The following MBNL1 variants were observed in gnomAD, a reference collection of about 807,000 sequenced individuals.
MBNL1 encodes muscleblind like splicing regulator 1.
A neutral mutation model predicts 42.2 loss-of-function variants in MBNL1; 8 were observed. That is an observed-to-expected ratio of 0.19 (90% CI 0.11 to 0.34). The LOEUF (loss-of-function observed/expected upper bound fraction) is 0.34, where lower values mean the gene tolerates loss of function less well. MBNL1 is among the 10% of genes least tolerant of loss of function. The probability of loss-of-function intolerance (pLI) is 1.00; values close to 1 mark genes in which losing one functional copy is unlikely to be tolerated. For synonymous variants in MBNL1, 169 were observed against 173.9 expected, an observed-to-expected ratio of 0.97 and a Z score of 0.22; for missense variants, 309 against 495.3, an observed-to-expected ratio of 0.62 and a Z score of 3.57.
rs60509782 is a variant in MBNL1, at chr3:152,407,209, C to CTT, written c.175-7707_175-7706dup. Among the ~76,000 whole-genome samples, 148 of 54,350 alleles carry CTT rather than the reference C, an allele frequency of 2.7e-3. 10 individuals are homozygous for CTT. Among genetic ancestry groups the CTT allele is most frequent in the African/African-American group, 3.7e-3 (63 of 17,014 alleles). The allele number at this position is 54,350 out of a possible 152,430, so 35.7% of individuals were successfully genotyped here. On this transcript the variant is annotated intron_variant, in intron 2 of 9. Transcript: ENST00000324210. ...GGGATTATATCAGTGGAAATATGTT[C>CTT]TTTTTTTTTTTTTTTTTTTTTTTTT...
At chr3:152,273,270 T>G (rs2042974860) in intron 1 of MBNL1, among the ~76,000 whole-genome samples, 1 of 152,248 alleles carries the variant, frequency 6.6e-6, no homozygotes, top group South Asian at 2.1e-4. Context: ...ATATTTTTTA[T>G]TTTTAAATTT....
chr3:152,279,926 A>G (rs2047448874), intron 1 of MBNL1, among the ~76,000 whole-genome samples: 1 of 152,146 alleles, frequency 6.6e-6, no homozygotes, highest in Admixed American at 6.6e-5. Context: ...TAAGCTGTTA[A>G]TTGTAGAGTT....
intron 2 of MBNL1, among the ~76,000 whole-genome samples, chr3:152,406,149 T>G (rs2153584063): frequency 6.6e-6 from 1 of 152,232 alleles, no homozygotes; most frequent in South Asian, 2.1e-4. Flanking sequence ...CTTTGGAGCC[T>G]ATGAAGACTA....
intron 2 of MBNL1, among the ~76,000 whole-genome samples, chr3:152,344,828 T>G (rs2093953175): frequency 6.6e-6 from 1 of 152,178 alleles, no homozygotes; most frequent in Non-Finnish European, 1.5e-5. Context: ...TAAAGTGGCT[T>G]CTTTTGCTGT....
rs147766235 is a variant in MBNL1, at chr3:152,315,845, AACAC to A, written c.174+15497_174+15500del. Among the ~76,000 whole-genome samples the A allele has an allele frequency of 2.1e-3, 305 of 142,990 alleles. 1 individual carries two copies. Among genetic ancestry groups the A allele is most frequent in the Non-Finnish European group, 2.6e-3 (174 of 65,912 alleles). The allele number at this position is 142,990 out of a possible 152,430, so 93.8% of individuals were successfully genotyped here. A position where few individuals can be genotyped will look rare whatever the true frequency, so the allele number is the denominator to read the frequency against. ...CTACAGATAATAGTGAAAGCGTGTG[AACAC>A]ACACACACACACACACACTCTCTCT... On this transcript the variant is annotated intron_variant, in intron 2 of 9. Coordinates refer to ENST00000324210, the MANE Select transcript of MBNL1 (RefSeq NM_021038.5).
At chr3:152,433,350 A>G (rs933963150) in intron 4 of MBNL1, among the ~76,000 whole-genome samples, 1 of 152,246 alleles carries the variant, frequency 6.6e-6, no homozygotes, top group African/African-American at 2.4e-5. Flanking sequence ...ATTAACAAAT[A>G]TTAGTGTCTA....
intron 1 of MBNL1, among the ~76,000 whole-genome samples, chr3:152,269,941 C>T (rs2040011974): frequency 7.7e-6 from 1 of 129,408 alleles, no homozygotes; most frequent in African/African-American, 3.0e-5. Flanking sequence ...TTAAACGGAG[C>T]CGGAATCTGT....
At chr3:152,297,307 T>C (rs1214737802) in intron 1 of MBNL1, among the ~76,000 whole-genome samples, 2 of 151,236 alleles carry the variant, frequency 1.3e-5, no homozygotes, top group Non-Finnish European at 2.9e-5. Context: ...AGGAACTTTT[T>C]TGAAAACCAA....
intron 1 of MBNL1, among the ~76,000 whole-genome samples, chr3:152,282,150 T>G (rs2048875222): frequency 6.6e-6 from 1 of 152,182 alleles, no homozygotes; most frequent in Non-Finnish European, 1.5e-5. Flanking sequence ...ATTCCCTGTA[T>G]TGAATACAAG....
At chr3:152,290,940 T>G (rs2055568196) in intron 1 of MBNL1, among the ~76,000 whole-genome samples, 2 of 152,234 alleles carry the variant, frequency 1.3e-5, no homozygotes, top group East Asian at 3.9e-4. Flanking sequence ...ATGATGAGAT[T>G]TGATTTTTCT....
intron 2 of MBNL1, among the ~76,000 whole-genome samples, chr3:152,365,253 A>G (rs1371419859): frequency 2.0e-5 from 3 of 150,592 alleles, no homozygotes; most frequent in Admixed American, 2.0e-4. Flanking sequence ...CATGGGGCCT[A>G]AACAATTTTC....
At chr3:152,331,335 T>C (rs1439469717) in intron 2 of MBNL1, among the ~76,000 whole-genome samples, 1 of 152,238 alleles carries the variant, frequency 6.6e-6, no homozygotes, top group African/African-American at 2.4e-5. Context: ...TAAGTCATAC[T>C]GAGTCACTTG....
intron 2 of MBNL1, among the ~76,000 whole-genome samples, chr3:152,255,474 G>A (rs2035325189): frequency 6.6e-6 from 1 of 152,088 alleles, no homozygotes; most frequent in Non-Finnish European, 1.5e-5. Context: ...TGGGTTATGT[G>A]ATGAGAGGAT....
intron 1 of MBNL1, among the ~76,000 whole-genome samples, chr3:152,270,653 A>G (rs1042538784): frequency 6.6e-6 from 1 of 152,240 alleles, no homozygotes; most frequent in Non-Finnish European, 1.5e-5. Context: ...GAGGCACTGA[A>G]TAAGTTATTT....
At chr3:152,414,864 G>A in intron 2 of MBNL1, 77 bp from the exon 3 acceptor site, 1 of 1,444,298 alleles carries the variant, frequency 6.9e-7, no homozygotes, top group Admixed American at 1.8e-5. Flanking sequence ...CAAGTGGGTG[G>A]TTTGCATTAT....
intron 2 of MBNL1, among the ~76,000 whole-genome samples, chr3:152,314,234 CACTT>C (rs758499891): frequency 2.0e-5 from 3 of 151,594 alleles, no homozygotes; most frequent in Non-Finnish European, 4.4e-5. Context: ...ATCTACCACT[CACTT>C]CCTCAAATGT....
chr3:152,273,471 GCAT>G (rs2043093718), intron 1 of MBNL1, among the ~76,000 whole-genome samples: 1 of 151,284 alleles, frequency 6.6e-6, no homozygotes, highest in Non-Finnish European at 1.5e-5. Context: ...TTTTAGAGAG[GCAT>G]CTCATCATAT....
At chr3:152,278,147 C>G (rs1008746515) in intron 1 of MBNL1, among the ~76,000 whole-genome samples, 1 of 151,988 alleles carries the variant, frequency 6.6e-6, no homozygotes, top group African/African-American at 2.4e-5. Context: ...ATTGGATATT[C>G]TTTGCCTTCT....
Position 152,253,464 on chromosome 3 carries a change from T to C in MBNL1, n.333+9024T>C, listed in dbSNP as rs556806058. On this transcript the variant is annotated intron_variant and non_coding_transcript_variant, in intron 2 of 2. Transcript: ENST00000477171. ...TTTGTGTTAGCCTATTAAGAAACCC[T>C]CTTTTTCTATTCTTGCATCCCTACC... is the stretch of plus-strand genomic sequence containing the variant. Among the ~76,000 whole-genome samples, 6 of 152,274 alleles carry C rather than the reference T, an allele frequency of 3.9e-5. No individual in the cohort carries two copies. The East Asian group carries it at 9.6e-4, about 24-fold the overall frequency.
Sources: allele counts gnomAD v4.1 joint callset (sites outside exome capture counted in the v4.1 genomes callset), GRCh38; gene constraint gnomAD v4.1.1; transcripts MANE v1.5; gene names NCBI Gene and HGNC (gene_info 2026-07-23, HGNC 2026-07-21).